Variants in ANKRD28 observed in about 807,000 individuals in gnomAD.
The protein encoded by ANKRD28 is ankyrin repeat domain 28, also known as serine/threonine-protein phosphatase 6 regulatory ankyrin repeat subunit A.
In ANKRD28, 44 loss-of-function variants were observed where a neutral mutation model predicts 126.5. The observed-to-expected ratio is 0.35, with a 90% confidence interval of 0.27 to 0.45. The LOEUF is 0.45. Ranked by LOEUF, ANKRD28 falls within the 20% of genes least tolerant of loss-of-function variation. ANKRD28 has a pLI of 1.00. For missense variants in ANKRD28, 1,110 were observed against 1,316.6 expected (o/e 0.84, Z 2.43); for synonymous variants, 442 against 468.5 (o/e 0.94, Z 0.73).
chr3:15,755,254 G>C (rs369017600), intron 3 of ANKRD28, among the ~76,000 whole-genome samples: 1 of 152,106 alleles, frequency 6.6e-6, no homozygotes, highest in African/African-American at 2.4e-5. Context: ...ATATCTGAGG[G>C]CAACAATGAA....
intron 23 of ANKRD28, 83 bp from the exon 24 acceptor site, chr3:15,678,437 T>A (rs1022543527): frequency 8.8e-6 from 12 of 1,357,260 alleles, no homozygotes; most frequent in Non-Finnish European, 1.0e-6. Flanking sequence ...TGTGACATGC[T>A]GTTTTTAAGG....
intron 2 of ANKRD28, among the ~76,000 whole-genome samples, chr3:15,777,472 A>T (rs2125660119): frequency 6.6e-6 from 1 of 152,212 alleles, no homozygotes; most frequent in Middle Eastern, 3.4e-3. Flanking sequence ...TTTCTGTGTA[A>T]ATAAAACCCC....
chr3:15,714,541 A>AAC lies in ANKRD28; in HGVS notation c.1075+36_1075+37insGT, dbSNP rs1253718373. On this transcript the variant is annotated intron_variant, in intron 9 of 27. Transcript: ENST00000683139. ...TTTTTACTACATTTAAGAAAAAAAA[A>AAC]AAAAAACCCCAAAAAAAAAACAGAA... 6.1e-6 allele frequency: 9 copies of AAC among 1,481,894 alleles called. 1 individual carries two copies. The Middle Eastern group carries it at 9.0e-4, about 148-fold the overall frequency. 91.8% of individuals were successfully genotyped at this position (1,481,894 alleles called of 1,614,324 possible). A position where few individuals can be genotyped will look rare whatever the true frequency, so the allele number is the denominator to read the frequency against.
At chr3:15,691,120 G>A (rs935813520) in intron 17 of ANKRD28, among the ~76,000 whole-genome samples, 7 of 151,102 alleles carry the variant, frequency 4.6e-5, no homozygotes, top group African/African-American at 1.7e-4. Context: ...TCAGACTGAA[G>A]TTGTCTTTTT....
chr3:15,677,073 T>TA lies in ANKRD28; in HGVS notation c.2791-18dup, dbSNP rs749250771. On this transcript the variant is annotated splice_polypyrimidine_tract_variant and intron_variant, in intron 25 of 27. Transcript: ENST00000683139. ...TTCATGACCCTATAATTGTGGCAGA[T>TA]AAGTTATAAAAACTTGAGCACCATT... 6 of 1,605,604 alleles carry TA rather than the reference T, an allele frequency of 3.7e-6. No homozygotes were observed. In the South Asian group the frequency reaches 6.6e-5, roughly 18 times the overall value.
chr3:15,721,229 G>T, intron 7 of ANKRD28, 102 bp from the exon 8 acceptor site: 1 of 919,720 alleles, frequency 1.1e-6, no homozygotes, highest in Non-Finnish European at 1.7e-6. Flanking sequence ...TTACTAAAGT[G>T]AGAAACGGAG....
At chr3:15,674,153 C>T (rs1461001847) in intron 27 of ANKRD28, among the ~76,000 whole-genome samples, 1 of 105,494 alleles carries the variant, frequency 9.5e-6, no homozygotes, top group Admixed American at 1.5e-4. Flanking sequence ...GTCTGGGCAA[C>T]AGAGTGAGAC....
intron 17 of ANKRD28, among the ~76,000 whole-genome samples, chr3:15,693,424 TG>T (rs74424083): frequency 2.1e-3 from 1 of 482 alleles, no homozygotes; most frequent in African/African-American, 7.2e-3. Context: ...AATTGAAGGG[TG>T]GGGTAGAATA....
At chr3:15,697,165 A>G (rs2069717609) in intron 14 of ANKRD28, 2 of 152,218 alleles carry the variant, frequency 1.3e-5, no homozygotes, top group Admixed American at 6.5e-5. Context: ...GGAGATCATT[A>G]TTCTAAGTGA....
chr3:15,686,550 T>C, intron 18 of ANKRD28: 3 of 510,740 alleles, frequency 5.9e-6, no homozygotes, highest in Non-Finnish European at 1.0e-5. Context: ...ACCCATGCCC[T>C]ATCATCTGCC....
chr3:15,739,772 C>T (rs142998867), intron 4 of ANKRD28, among the ~76,000 whole-genome samples: 45 of 152,274 alleles, frequency 3.0e-4, no homozygotes, highest in African/African-American at 1.0e-3. Flanking sequence ...AAAAAGTAGT[C>T]AGAACAGTTT....
chr3:15,720,874 T>A (rs1050068868), intron 8 of ANKRD28, 41 bp downstream of exon 8: 9 of 1,566,870 alleles, frequency 5.7e-6, no homozygotes, highest in Non-Finnish European at 6.1e-6. Flanking sequence ...GTTTTAACAG[T>A]GACATATGAA....
At chr3:15,761,914 G>A (rs2058474935) in intron 3 of ANKRD28, among the ~76,000 whole-genome samples, 1 of 152,052 alleles carries the variant, frequency 6.6e-6, no homozygotes, top group Non-Finnish European at 1.5e-5. Flanking sequence ...GGCTGGGCAT[G>A]GTGGCTCACA....
In ANKRD28 at chr3:15,838,024, AAAC is replaced by A. The variant is rs1458766165; in HGVS notation, c.27+21350_27+21352del. On this transcript the variant is annotated intron_variant, in intron 1 of 27. Transcript: ENST00000399451. This position sits in a 1 kb window ranked among gnomAD's most constrained non-coding sequence, Gnocchi z 4.0. ...TGAACAACTGTATACAAACAAATGT[AAAC>A]AACTTAGAAAAAAATAAATTCTAAG... Among the ~76,000 whole-genome samples, 7 of 152,168 alleles carry A rather than the reference AAAC, an allele frequency of 4.6e-5. No individual in the cohort carries two copies. Among genetic ancestry groups the A allele is most frequent in the African/African-American group, 1.7e-4 (7 of 41,460 alleles).
intron 14 of ANKRD28, among the ~76,000 whole-genome samples, chr3:15,707,259 A>AAG (rs1491325562): frequency 2.4e-5 from 1 of 42,164 alleles, no homozygotes; most frequent in Non-Finnish European, 9.2e-5. Flanking sequence ...GTGCAAGAAG[A>AAG]AAAAAAAAAT....
At chr3:15,704,907 T>A (rs1420750061) in intron 14 of ANKRD28, among the ~76,000 whole-genome samples, 1 of 152,170 alleles carries the variant, frequency 6.6e-6, no homozygotes, top group Non-Finnish European at 1.5e-5. Context: ...TTAATAAAGA[T>A]AGGAAACAGA....
chr3:15,832,069 G>A (rs1324321141), intron 1 of ANKRD28, among the ~76,000 whole-genome samples: 1 of 152,146 alleles, frequency 6.6e-6, no homozygotes, highest in Non-Finnish European at 1.5e-5. Context: ...ATTGTTACAG[G>A]TGCTGGAGAC....
At chr3:15,691,235 T>G (rs897462895) in intron 17 of ANKRD28, among the ~76,000 whole-genome samples, 1 of 151,952 alleles carries the variant, frequency 6.6e-6, no homozygotes, top group East Asian at 1.9e-4. Context: ...GCGATTCTCC[T>G]GTCTCAGTCT....
intron 4 of ANKRD28, among the ~76,000 whole-genome samples, chr3:15,741,871 C>CG (rs1305183451): frequency 6.6e-6 from 1 of 151,442 alleles, no homozygotes; most frequent in Non-Finnish European, 1.5e-5. Context: ...CGAGTGCCTG[C>CG]GATTGCAGGC....
Sources: gnomAD v4.1 joint callset for allele counts (sites outside exome capture counted in the v4.1 genomes callset) on GRCh38, gnomAD v4.1.1 for gene constraint, Gnocchi (gnomAD v3.1) non-coding constraint, MANE v1.5 for transcripts, NCBI Gene and HGNC (gene_info 2026-07-23, HGNC 2026-07-21) for gene names.